The following MRTFA variants were observed in gnomAD, a reference collection of about 807,000 sequenced individuals.
MRTFA encodes the protein myocardin related transcription factor A, also known as myocardin-related transcription factor A.
A neutral mutation model predicts 83.5 loss-of-function variants in MRTFA; 20 were observed. That is an observed-to-expected ratio of 0.24 (90% CI 0.17 to 0.35). The LOEUF (loss-of-function observed/expected upper bound fraction) is 0.35. MRTFA is among the 10% of genes least tolerant of loss of function. The pLI, the probability that MRTFA is intolerant of heterozygous loss-of-function variation, is 1.00. For missense variants in MRTFA, 1,200 were observed against 1,224.7 expected (o/e 0.98, Z 0.30); for synonymous variants, 659 against 541.2 (o/e 1.22, Z -3.02).
At chr22:40,550,220 T>C (rs1428138152) in intron 3 of MRTFA, among the ~76,000 whole-genome samples, 1 of 152,028 alleles carries the variant, frequency 6.6e-6, no homozygotes, top group Non-Finnish European at 1.5e-5. Context: ...CGTTTAAATT[T>C]TTTCATAATA....
chr22:40,502,070 G>A (rs1485782574), intron 3 of MRTFA, among the ~76,000 whole-genome samples: 2 of 139,250 alleles, frequency 1.4e-5, no homozygotes, highest in African/African-American at 2.7e-5. Context: ...GTGGCTGGCC[G>A]GGCTGAGGGG....
chr22:40,524,410 G>A (rs2054925359), intron 3 of MRTFA, among the ~76,000 whole-genome samples: 1 of 152,186 alleles, frequency 6.6e-6, no homozygotes, highest in South Asian at 2.1e-4. Context: ...AAAATTTAAC[G>A]TGTTGTTTTT....
At chr22:40,565,052 T>C (rs1305265780) in intron 2 of MRTFA, among the ~76,000 whole-genome samples, 1 of 152,068 alleles carries the variant, frequency 6.6e-6, no homozygotes, top group Admixed American at 6.6e-5. Flanking sequence ...ACTCACCAGC[T>C]AGAAGAAACA....
Position 40,416,480 on chromosome 22 carries a change from C to T in MRTFA, c.2578+506G>A, listed in dbSNP as rs557478742. On this transcript the variant is annotated intron_variant, in intron 14 of 14. Coordinates refer to ENST00000355630, the MANE Select transcript of MRTFA (RefSeq NM_020831.6). The surrounding 1 kb of genome is among the most constrained non-coding windows in gnomAD (Gnocchi z 4.2). Reference sequence around the variant, plus strand: ...CCCTGCCCTGGTGCCCAGGAGGCCACGCATGATCTGGCCATGAAGGCCTTC... The same window carrying T: ...CCCTGCCCTGGTGCCCAGGAGGCCATGCATGATCTGGCCATGAAGGCCTTC... Among the ~76,000 whole-genome samples the T allele has an allele frequency of 3.9e-5, 6 of 152,340 alleles. No individual in the cohort carries two copies. The highest frequency in any genetic ancestry group is 1.3e-4 in the Admixed American group (2 of 15,304).
chr22:40,551,675 T>A (rs2055446338), intron 3 of MRTFA, among the ~76,000 whole-genome samples: 1 of 152,130 alleles, frequency 6.6e-6, no homozygotes, highest in South Asian at 2.1e-4. Flanking sequence ...GGCAAGACAT[T>A]TATTTGGTTT....
chr22:40,614,206 AAAATAAAT>A (rs906050487), intron 1 of MRTFA, among the ~76,000 whole-genome samples: 3 of 151,344 alleles, frequency 2.0e-5, no homozygotes, highest in African/African-American at 4.8e-5. Context: ...CTGTCTCAAA[AAAATAAAT>A]AAATAAATAA....
intron 1 of MRTFA, among the ~76,000 whole-genome samples, chr22:40,615,662 G>A (rs966244444): frequency 2.7e-5 from 4 of 150,318 alleles, no homozygotes; most frequent in Non-Finnish European, 4.4e-5. Flanking sequence ...AATTTTCAGT[G>A]TAAAAGGTCC....
intron 1 of MRTFA, among the ~76,000 whole-genome samples, chr22:40,617,135 G>C (rs1186037481): frequency 7.5e-6 from 1 of 133,192 alleles, no homozygotes; most frequent in Non-Finnish European, 1.6e-5. Context: ...GAAAGAGAGA[G>C]ACGAGAGAAG....
chr22:40,622,429 C>T (rs917764359), intron 1 of MRTFA, among the ~76,000 whole-genome samples: 3 of 147,650 alleles, frequency 2.0e-5, no homozygotes, highest in South Asian at 2.1e-4. Context: ...TGCAGTGAGC[C>T]GAGATGGTGC....
chr22:40,620,970 C>T (rs2056516257), intron 1 of MRTFA, among the ~76,000 whole-genome samples: 3 of 151,884 alleles, frequency 2.0e-5, no homozygotes, highest in Admixed American at 6.6e-5. Context: ...TAGCTTGAGC[C>T]CAGGAGTTCA....
intron 4 of MRTFA, chr22:40,440,020 C>T (rs35592496): frequency 0.4 from 62,192 of 154,456 alleles, 13,176 homozygotes; most frequent in South Asian, 0.56. Context: ...GGTGTGGTGG[C>T]GGGCACCTGT....
intron 3 of MRTFA, among the ~76,000 whole-genome samples, chr22:40,550,439 CCAGT>C (rs2055427326): frequency 6.6e-6 from 1 of 151,878 alleles, no homozygotes; most frequent in African/African-American, 2.4e-5. Flanking sequence ...GACAGAGAGA[CCAGT>C]CAAAGAAAAG....
chr22:40,631,728 G>A (rs1411807040), intron 1 of MRTFA, among the ~76,000 whole-genome samples: 1 of 152,150 alleles, frequency 6.6e-6, no homozygotes, highest in Non-Finnish European at 1.5e-5. Flanking sequence ...CTAATTTAGT[G>A]TCTACCTCCA....
rs2054416901 is a variant in MRTFA, at chr22:40,499,413, T to C, written c.242-36127A>G. On this transcript the variant is annotated intron_variant, in intron 3 of 14. Transcript: ENST00000355630. ...GGAGCAGAGGTGCCAGAGCACACTATGGACTGACCACAGACTACAAGCAGA... is the reference window on the plus strand; with the variant it reads ...GGAGCAGAGGTGCCAGAGCACACTACGGACTGACCACAGACTACAAGCAGA... Among the ~76,000 whole-genome samples the C allele has an allele frequency of 2.0e-5, 3 of 152,148 alleles. 1 individual carries two copies. Among genetic ancestry groups the C allele is most frequent in the East Asian group, 3.9e-4 (2 of 5,194 alleles).
chr22:40,435,483 A>T lies in MRTFA; in HGVS notation c.363+16T>A, dbSNP rs751033371. ...ATGCTCTTTGGGAGTTCTGAGGGGGAAAAAAGGTACCTTACCCTGGCCCGC... is the reference window on the plus strand; with the variant it reads ...ATGCTCTTTGGGAGTTCTGAGGGGGTAAAAAGGTACCTTACCCTGGCCCGC... On this transcript the variant is annotated intron_variant, in intron 5 of 14. Transcript: ENST00000355630. 7.5e-6 allele frequency: 12 copies of T among 1,610,360 alleles called. No individual in the cohort carries two copies. Among genetic ancestry groups the T allele is most frequent in the Non-Finnish European group, 9.3e-6 (11 of 1,176,798 alleles).
At chr22:40,595,246 A>C (rs1436314993) in intron 1 of MRTFA, among the ~76,000 whole-genome samples, 1 of 151,462 alleles carries the variant, frequency 6.6e-6, no homozygotes, top group African/African-American at 2.4e-5. Context: ...CAGACTCCCA[A>C]GTAGGCTGGG....
chr22:40,535,382 C>G (rs540077249), intron 3 of MRTFA, among the ~76,000 whole-genome samples: 249 of 107,364 alleles, frequency 2.3e-3, no homozygotes, highest in African/African-American at 9.0e-3. Flanking sequence ...GAGACTAGGT[C>G]TCACTCTGTC....
intron 2 of MRTFA, among the ~76,000 whole-genome samples, chr22:40,553,804 T>C (rs920424036): frequency 6.6e-6 from 1 of 152,084 alleles, no homozygotes; most frequent in Non-Finnish European, 1.5e-5. Flanking sequence ...TAGATCCACC[T>C]ATAGCTTGCA....
intron 3 of MRTFA, among the ~76,000 whole-genome samples, chr22:40,551,446 G>A (rs1182119907): frequency 6.6e-6 from 1 of 152,126 alleles, no homozygotes; most frequent in East Asian, 1.9e-4. Context: ...TCGGTTCACT[G>A]CAACCTCCGC....
Sources: allele counts gnomAD v4.1 joint callset (sites outside exome capture counted in the v4.1 genomes callset), GRCh38; gene constraint gnomAD v4.1.1; non-coding constraint Gnocchi (gnomAD v3.1); transcripts MANE v1.5; gene names NCBI Gene and HGNC (gene_info 2026-07-23, HGNC 2026-07-21).